The following ATP8A2 variants were observed in gnomAD, a reference collection of about 807,000 sequenced individuals.
ATP8A2 encodes phospholipid-transporting ATPase IB.
In ATP8A2, 100 loss-of-function variants were observed where a neutral mutation model predicts 165.6. That is an observed-to-expected ratio of 0.60 (90% CI 0.51 to 0.71). The LOEUF is 0.71. ATP8A2 is among the 30% of genes least tolerant of loss of function. The pLI is 0.00. For missense variants in ATP8A2, 1,227 were observed against 1,479.5 expected, an observed-to-expected ratio of 0.83 and a Z score of 2.80; for synonymous variants, 543 against 548.8, an observed-to-expected ratio of 0.99 and a Z score of 0.15.
At chr13:25,511,760 A>G (rs1296269596) in intron 2 of ATP8A2, among the ~76,000 whole-genome samples, 1 of 152,134 alleles carries the variant, frequency 6.6e-6, no homozygotes, top group Non-Finnish European at 1.5e-5. Flanking sequence ...ATAATGAAAA[A>G]TTTTGGTATG....
At chr13:25,841,896 T>A (rs1184819899) in intron 30 of ATP8A2, among the ~76,000 whole-genome samples, 1 of 152,108 alleles carries the variant, frequency 6.6e-6, no homozygotes, top group African/African-American at 2.4e-5. Flanking sequence ...TGTCATCCCA[T>A]GGTGGAAGGA....
chr13:25,774,753 C>T, intron 26 of ATP8A2, 96 bp from the exon 27 acceptor site: 1 of 699,148 alleles, frequency 1.4e-6, no homozygotes, highest in Non-Finnish European at 2.4e-6. Flanking sequence ...TTTCCTCTAC[C>T]TACATTATCT....
intron 2 of ATP8A2, among the ~76,000 whole-genome samples, chr13:25,498,479 G>A (rs954784675): frequency 6.6e-6 from 1 of 152,178 alleles, no homozygotes; most frequent in Non-Finnish European, 1.5e-5. Context: ...TGCAGATTCA[G>A]TCTCTCAGAC....
intron 25 of ATP8A2, among the ~76,000 whole-genome samples, chr13:25,761,402 T>G (rs1456858594): frequency 6.6e-6 from 1 of 152,204 alleles, no homozygotes; most frequent in African/African-American, 2.4e-5. Context: ...AATAGTCATT[T>G]GTAGTGCAAA....
intron 27 of ATP8A2, among the ~76,000 whole-genome samples, chr13:25,794,074 T>G (rs571784435): frequency 9.9e-5 from 15 of 152,204 alleles, no homozygotes; most frequent in Non-Finnish European, 1.9e-4. Flanking sequence ...TTGGTTGGTT[T>G]GTTTTTGAGA....
At position 25,925,728 on chromosome 13, in the gene ATP8A2, A is replaced by G. The variant is rs558693868; in HGVS notation, c.3184-35847A>G. 5.3e-3 allele frequency among the ~76,000 whole-genome samples: 414 copies of G among 78,804 alleles called. 4 individuals are homozygous for G. The highest frequency in any genetic ancestry group is 0.011 in the Admixed American group (62 of 5,522). The allele number at this position is 78,804 out of a possible 152,430, so 51.7% of individuals were successfully genotyped here. A position where few individuals can be genotyped will look rare whatever the true frequency, so the allele number is the denominator to read the frequency against. ...AAAATTAACTTGGCTAAAGTTGTCA[A>G]TCTTTTTTTTTTTTTTTGAGACGGA... On this transcript the variant is annotated intron_variant, in intron 33 of 36. Transcript: ENST00000381655.
chr13:25,495,747 A>G, intron 2 of ATP8A2, among the ~76,000 whole-genome samples: 1 of 150,970 alleles, frequency 6.6e-6, no homozygotes, highest in Non-Finnish European at 1.5e-5. Context: ...GATTACAGAC[A>G]TGAGCCACTG....
At chr13:25,846,755 GATCTA>G (rs1951875536) in intron 30 of ATP8A2, among the ~76,000 whole-genome samples, 1 of 152,176 alleles carries the variant, frequency 6.6e-6, no homozygotes, top group African/African-American at 2.4e-5. Context: ...GGCTGTTGCT[GATCTA>G]ATGTAGCAAT....
intron 6 of ATP8A2, among the ~76,000 whole-genome samples, chr13:25,536,278 ATTTT>A (rs5802338): frequency 7.1e-6 from 1 of 141,822 alleles, no homozygotes; most frequent in Admixed American, 7.0e-5. Context: ...TGCCCGGTTA[ATTTT>A]TTTTTTTTTT....
intron 24 of ATP8A2, among the ~76,000 whole-genome samples, chr13:25,642,827 T>C (rs2041565979): frequency 6.6e-6 from 1 of 152,108 alleles, no homozygotes; most frequent in South Asian, 2.1e-4. Context: ...TGTCCAACAG[T>C]GATAGACTGG....
intron 25 of ATP8A2, among the ~76,000 whole-genome samples, chr13:25,743,721 A>G (rs1025198698): frequency 2.6e-5 from 4 of 152,362 alleles, no homozygotes; most frequent in Admixed American, 1.3e-4. Context: ...AGAGTACCAC[A>G]GTGATTTGTT....
chr13:25,933,030 T>A (rs1326518529), intron 33 of ATP8A2, among the ~76,000 whole-genome samples: 1 of 152,206 alleles, frequency 6.6e-6, no homozygotes, highest in Non-Finnish European at 1.5e-5. Context: ...TATATTTTGG[T>A]AGGGACAGGG....
intron 1 of ATP8A2, among the ~76,000 whole-genome samples, chr13:25,407,199 A>T (rs2033828527): frequency 6.6e-6 from 1 of 152,216 alleles, no homozygotes; most frequent in African/African-American, 2.4e-5. Flanking sequence ...GCTGATAAGT[A>T]CCAAGGCCTG....
At chr13:26,001,355 C>T (rs1956628254) in intron 35 of ATP8A2, among the ~76,000 whole-genome samples, 1 of 152,164 alleles carries the variant, frequency 6.6e-6, no homozygotes, top group African/African-American at 2.4e-5. Flanking sequence ...GTACTGGTAT[C>T]TGTCTGAGTC....
chr13:25,448,404 G>GA (rs993876855), intron 1 of ATP8A2, among the ~76,000 whole-genome samples: 1 of 152,026 alleles, frequency 6.6e-6, no homozygotes, highest in East Asian at 1.9e-4. Context: ...AAAGTCAACA[G>GA]AAAAAAACTG....
At chr13:25,954,706 T>A (rs572731706) in intron 33 of ATP8A2, among the ~76,000 whole-genome samples, 1 of 152,306 alleles carries the variant, frequency 6.6e-6, no homozygotes, top group East Asian at 1.9e-4. Flanking sequence ...CTGCTGTTGA[T>A]ACCCAGACAA....
At chr13:25,679,875 G>GA (rs143489428) in intron 24 of ATP8A2, among the ~76,000 whole-genome samples, 5,371 of 152,184 alleles carry the variant, frequency 0.035, 153 homozygotes, top group East Asian at 0.13. Flanking sequence ...TGCGGATTAG[G>GA]AAAAATAGGA....
chr13:25,615,705 A>G (rs1247885251), intron 24 of ATP8A2, among the ~76,000 whole-genome samples: 3 of 152,178 alleles, frequency 2.0e-5, no homozygotes, highest in Admixed American at 6.5e-5. Context: ...GGGGACTGAG[A>G]GATCCCACAG....
At chr13:25,742,084 C>A (rs1429903646) in intron 25 of ATP8A2, among the ~76,000 whole-genome samples, 1 of 152,122 alleles carries the variant, frequency 6.6e-6, no homozygotes. Context: ...CACACACAAA[C>A]CTAGATGAGA....
Sources: allele counts gnomAD v4.1 joint callset (sites outside exome capture counted in the v4.1 genomes callset), GRCh38; gene constraint gnomAD v4.1.1; transcripts MANE v1.5; gene names NCBI Gene and HGNC (gene_info 2026-07-23, HGNC 2026-07-21).